NDUFA10: variants seen among roughly 807,000 people sequenced by gnomAD.
NDUFA10 encodes NADH:ubiquinone oxidoreductase subunit A10.
NDUFA10 carries 40 observed loss-of-function variants against 47.8 expected under a neutral mutation model. The observed-to-expected ratio is 0.84, with a 90% CI of 0.65 to 1.09. The LOEUF is 1.09. Among genes scored for constraint, NDUFA10 ranks in the 50% least tolerant of loss-of-function variants. The probability of loss-of-function intolerance (pLI) is 0.00; values close to 1 mark genes in which losing one functional copy is unlikely to be tolerated. For missense variants in NDUFA10, 413 were observed against 451.1 expected (o/e 0.92, Z 0.76); for synonymous variants, 183 against 172.2 (o/e 1.06, Z -0.49).
chr2:239,910,197 C>T (rs1693725900), intron 4 of NDUFA10, among the ~76,000 whole-genome samples: 1 of 152,140 alleles, frequency 6.6e-6, no homozygotes, highest in South Asian at 2.1e-4. Flanking sequence ...CCATTTGACC[C>T]AGCAATCCTG....
At chr2:239,916,043 CACAA>C (rs1693867671) in intron 4 of NDUFA10, among the ~76,000 whole-genome samples, 3 of 108,660 alleles carry the variant, frequency 2.8e-5, no homozygotes, top group Admixed American at 8.4e-5. Flanking sequence ...GAGATACTCA[CACAA>C]ACATACACAC....
Position 240,011,041 on chromosome 2 carries a change from C to T in NDUFA10, c.749+576G>A, listed in dbSNP as rs1168977279. Reference sequence around the variant, plus strand: ...ATGAGTGTGGCAGACATTCCTTACACACGAATATACCCAAGGAGCGCAGAA... The same window carrying T: ...ATGAGTGTGGCAGACATTCCTTACATACGAATATACCCAAGGAGCGCAGAA... On this transcript the variant is annotated intron_variant, in intron 6 of 9. Coordinates refer to ENST00000252711, the MANE Select transcript of NDUFA10 (RefSeq NM_004544.4). 2.0e-5 allele frequency among the ~76,000 whole-genome samples: 3 copies of T among 152,128 alleles called. No homozygotes were observed. The East Asian group carries it at 5.8e-4, about 29-fold the overall frequency.
At chr2:239,916,859 A>T (rs1401019575) in intron 4 of NDUFA10, among the ~76,000 whole-genome samples, 1 of 152,164 alleles carries the variant, frequency 6.6e-6, no homozygotes, top group Non-Finnish European at 1.5e-5. Context: ...TCTTTGCACC[A>T]TCCCTTTGGC....
At chr2:240,001,378 A>G (rs985379122) in intron 8 of NDUFA10, among the ~76,000 whole-genome samples, 39 of 152,248 alleles carry the variant, frequency 2.6e-4, no homozygotes, top group Admixed American at 1.3e-4. Flanking sequence ...ATCATAACAT[A>G]GTCCCTAAAA....
intron 4 of NDUFA10, among the ~76,000 whole-genome samples, chr2:239,932,858 G>A (rs903517483): frequency 6.6e-6 from 1 of 152,220 alleles, no homozygotes; most frequent in Admixed American, 6.5e-5. Context: ...TGTGATTACA[G>A]GTGTGAGCCA....
chr2:240,020,688 GC>G (rs1162625213), intron 3 of NDUFA10, among the ~76,000 whole-genome samples: 1 of 152,012 alleles, frequency 6.6e-6, no homozygotes, highest in Non-Finnish European at 1.5e-5. Flanking sequence ...TACTGCACTG[GC>G]CTATGGGACC....
chr2:239,965,869 C>A (rs143401038), intron 9 of NDUFA10, among the ~76,000 whole-genome samples: 2 of 152,214 alleles, frequency 1.3e-5, no homozygotes, highest in African/African-American at 4.8e-5. Flanking sequence ...CTGTACAATG[C>A]GAACGGAGTT....
intron 8 of NDUFA10, among the ~76,000 whole-genome samples, chr2:239,999,612 C>T (rs1466301874): frequency 1.3e-5 from 2 of 152,222 alleles, no homozygotes; most frequent in Non-Finnish European, 2.9e-5. Context: ...GGGTGTCTCA[C>T]CATCCTGTTG....
intron 4 of NDUFA10, among the ~76,000 whole-genome samples, chr2:239,904,609 G>T (rs916033415): frequency 2.0e-5 from 3 of 152,176 alleles, no homozygotes; most frequent in African/African-American, 7.2e-5. Flanking sequence ...CTTTCTTCTT[G>T]TTGAGAAGGC....
At chr2:239,895,737 G>A (rs1693382703) in intron 4 of NDUFA10, among the ~76,000 whole-genome samples, 1 of 152,154 alleles carries the variant, frequency 6.6e-6, no homozygotes, top group Non-Finnish European at 1.5e-5. Context: ...TTCCTATTTT[G>A]TAGCTCACAT....
chr2:239,929,415 G>GA lies in NDUFA10; in HGVS notation c.295-34102dup, dbSNP rs1196275189. Among the ~76,000 whole-genome samples, 8 of 152,246 alleles carry GA rather than the reference G, an allele frequency of 5.3e-5. No homozygotes were observed. In the South Asian group the frequency reaches 1.5e-3, roughly 28 times the overall value. On this transcript the variant is annotated intron_variant, in intron 4 of 5. Transcript: ENST00000419408. The stretch of plus-strand genomic sequence containing the variant: ...CTCACTCCTGAGCCTCCATAAAAAG[G>GA]AAAAAATGAGTCAAAAAGAGCTCTT...
At chr2:240,000,095 C>G (rs111862679) in intron 8 of NDUFA10, among the ~76,000 whole-genome samples, 4,565 of 152,324 alleles carry the variant, frequency 0.03, 107 homozygotes, top group Non-Finnish European at 0.045. Flanking sequence ...TACAGAATAC[C>G]TGATATTCTC....
At chr2:239,967,447 G>A (rs1695123327) in intron 9 of NDUFA10, among the ~76,000 whole-genome samples, 1 of 152,224 alleles carries the variant, frequency 6.6e-6, no homozygotes. Context: ...GGCTGTGAGA[G>A]GCTGTGTGGC....
At chr2:239,926,615 T>TA (rs34205278) in intron 4 of NDUFA10, among the ~76,000 whole-genome samples, 98,511 of 151,078 alleles carry the variant, frequency 0.65, 32,403 homozygotes, top group African/African-American at 0.75. Context: ...CTCCTACTTA[T>TA]AAAAAAAAAT....
chr2:239,896,754 C>A (rs779027003), intron 4 of NDUFA10, among the ~76,000 whole-genome samples: 1 of 151,984 alleles, frequency 6.6e-6, no homozygotes, highest in Admixed American at 6.6e-5. Flanking sequence ...GGAAAATGCC[C>A]GATCCGTGAA....
chr2:240,014,609 G>T, intron 5 of NDUFA10, 130 bp downstream of exon 5: 3 of 1,425,930 alleles, frequency 2.1e-6, no homozygotes, highest in Non-Finnish European at 2.9e-6. Context: ...TCTCAAGTGG[G>T]AACAGGGTGT....
intron 4 of NDUFA10, among the ~76,000 whole-genome samples, chr2:239,935,772 C>CT (rs1416338310): frequency 3.3e-5 from 5 of 152,312 alleles, no homozygotes; most frequent in Admixed American, 2.6e-4. Flanking sequence ...TCTCTTGGCT[C>CT]CCATTCTCTT....
At chr2:239,914,438 C>G (rs185608274) in intron 4 of NDUFA10, among the ~76,000 whole-genome samples, 21 of 148,342 alleles carry the variant, frequency 1.4e-4, no homozygotes. Flanking sequence ...CAGAGACACA[C>G]AGAGATACAC....
intron 9 of NDUFA10, among the ~76,000 whole-genome samples, chr2:239,977,384 C>T (rs1256625955): frequency 6.6e-6 from 1 of 152,150 alleles, no homozygotes; most frequent in Non-Finnish European, 1.5e-5. Flanking sequence ...CCTGACACTG[C>T]TCCTGTTTCT....
Sources: allele counts gnomAD v4.1 joint callset (sites outside exome capture counted in the v4.1 genomes callset), GRCh38; gene constraint gnomAD v4.1.1; transcripts MANE v1.5; gene names NCBI Gene and HGNC (gene_info 2026-07-23, HGNC 2026-07-21).